The following SLC35E2B variants were observed in gnomAD, a reference collection of about 807,000 sequenced individuals.
The protein encoded by SLC35E2B is solute carrier family 35, member E2B.
In SLC35E2B, 18 loss-of-function variants were observed where a neutral mutation model predicts 32.4. The observed-to-expected ratio is 0.56, with a 90% CI of 0.38 to 0.82. The LOEUF is 0.82. SLC35E2B is among the 40% of genes least tolerant of loss of function. SLC35E2B has a pLI of 0.00. For missense variants in SLC35E2B, 263 were observed against 469.5 expected, an observed-to-expected ratio of 0.56 and a Z score of 4.06; for synonymous variants, 132 against 209.1, an observed-to-expected ratio of 0.63 and a Z score of 3.18.
intron 2 of SLC35E2B, among the ~76,000 whole-genome samples, chr1:1,679,479 CA>C (rs970098423): frequency 2.6e-5 from 4 of 151,898 alleles, no homozygotes; most frequent in Non-Finnish European, 5.9e-5. Flanking sequence ...TTAGTGGAAA[CA>C]AAAAAACAGA....
intron 2 of SLC35E2B, among the ~76,000 whole-genome samples, chr1:1,687,303 G>A (rs1242538176): frequency 2.6e-5 from 4 of 151,896 alleles, no homozygotes; most frequent in Admixed American, 1.3e-4. Context: ...GGGGCTGGGC[G>A]CAATGGCTCA....
In SLC35E2B at chr1:1,683,787, T is replaced by C. The variant is rs142889309; in HGVS notation, c.-147-6941A>G. On this transcript the variant is annotated intron_variant, in intron 2 of 9. Transcript: ENST00000617444. ...GATCAGCATAAGCTCCGGGGTGATC[T>C]GAACCACTCCTGTCACTCAGGAAAT... Among the ~76,000 whole-genome samples, 951 of 152,188 alleles carry C rather than the reference T, an allele frequency of 6.2e-3. 11 individuals carry two copies. The highest frequency in any genetic ancestry group is 0.022 in the African/African-American group (910 of 41,514).
Position 1,684,789 on chromosome 1 carries a change from C to CAAAAAAA in SLC35E2B, c.-148+6180_-148+6186dup, listed in dbSNP as rs1175219653. Among the ~76,000 whole-genome samples the CAAAAAAA allele has an allele frequency of 4.6e-4, 11 of 23,728 alleles. 1 individual carries two copies. The highest frequency in any genetic ancestry group is 1.4e-3 in the East Asian group (1 of 702). The allele number at this position is 23,728 out of a possible 152,430, so 15.6% of individuals were successfully genotyped here. A position where few individuals can be genotyped will look rare whatever the true frequency, so the allele number is the denominator to read the frequency against. On this transcript the variant is annotated intron_variant, in intron 2 of 9. Transcript: ENST00000617444. Reference sequence around the variant, plus strand: ...TGGGCAACAGAGCGAGACTCCATCTCAAAAAAAAAAAAAAAAAAAAAAAAA... The same window carrying CAAAAAAA: ...TGGGCAACAGAGCGAGACTCCATCTCAAAAAAAAAAAAAAAAAAAAAAAAAAAAAAAA...
chr1:1,667,372 T>G (rs1409828419), intron 9 of SLC35E2B, among the ~76,000 whole-genome samples: 1 of 152,084 alleles, frequency 6.6e-6, no homozygotes, highest in Admixed American at 6.6e-5. Context: ...GAGACTGCGA[T>G]ACTGAACTCC....
chr1:1,664,373 C>G lies in SLC35E2B; in HGVS notation c.*1409G>C. ...CCAAATGGAAAGCCAGTGAAGTGACCATGGGTGCCAAAGGCCTAAAGAGCA... is the reference window on the plus strand; with the variant it reads ...CCAAATGGAAAGCCAGTGAAGTGACGATGGGTGCCAAAGGCCTAAAGAGCA... On this transcript the variant is annotated 3_prime_UTR_variant, in exon 10 of 10. Coordinates refer to ENST00000617444, the MANE Select transcript of SLC35E2B (RefSeq NM_001290264.2). 4 of 947,912 alleles carry G rather than the reference C, an allele frequency of 4.2e-6. No homozygotes were observed. The highest frequency in any genetic ancestry group is 5.0e-6 in the Non-Finnish European group (4 of 796,962). The allele number at this position is 947,912 out of a possible 1,614,324, so 58.7% of individuals were successfully genotyped here.
rs1198206561 is a variant in SLC35E2B, at chr1:1,692,470, G to C, written c.-587C>G. The C allele has an allele frequency of 4.1e-6, 4 of 986,262 alleles. No homozygotes were observed. The African/African-American group carries it at 7.1e-5, about 17-fold the overall frequency. 61.1% of individuals were successfully genotyped at this position (986,262 alleles called of 1,614,324 possible). On this transcript the variant is annotated 5_prime_UTR_variant, in exon 1 of 10. Coordinates refer to ENST00000617444, the MANE Select transcript of SLC35E2B (RefSeq NM_001290264.2). ...CCACCGAGAGCCTGATGCAGTCTCCGCCGCAGGCATAGCGCTAGGCCCCGG... is the reference window on the plus strand; with the variant it reads ...CCACCGAGAGCCTGATGCAGTCTCCCCCGCAGGCATAGCGCTAGGCCCCGG...
chr1:1,686,612 A>C (rs1337509297), intron 2 of SLC35E2B, among the ~76,000 whole-genome samples: 1 of 150,692 alleles, frequency 6.6e-6, no homozygotes, highest in African/African-American at 2.5e-5. Context: ...GTAAAAATAC[A>C]AAAGTTAGCT....
chr1:1,675,075 G>A (rs983097185), intron 5 of SLC35E2B, among the ~76,000 whole-genome samples: 4 of 151,648 alleles, frequency 2.6e-5, no homozygotes, highest in African/African-American at 7.3e-5. Context: ...TGGCACAGGA[G>A]GGCCCACGGA....
At chr1:1,689,986 CAAAAA>C (rs763440072) in intron 2 of SLC35E2B, among the ~76,000 whole-genome samples, 1 of 84,670 alleles carries the variant, frequency 1.2e-5, no homozygotes, top group African/African-American at 4.5e-5. Context: ...GACCCTGTCT[CAAAAA>C]AAAAAAAAAA....
At chr1:1,690,140 C>A (rs1389507713) in intron 2 of SLC35E2B, among the ~76,000 whole-genome samples, 1 of 150,200 alleles carries the variant, frequency 6.7e-6, no homozygotes, top group East Asian at 2.0e-4. Flanking sequence ...AGTTGGCCGG[C>A]ATGGTGGCAC....
chr1:1,684,134 C>T (rs1643924659), intron 2 of SLC35E2B, among the ~76,000 whole-genome samples: 1 of 152,132 alleles, frequency 6.6e-6, no homozygotes, highest in Non-Finnish European at 1.5e-5. Flanking sequence ...ACGCTTGCCC[C>T]AGTGCACTGT....
chr1:1,685,413 A>AG (rs1341360088), intron 2 of SLC35E2B, among the ~76,000 whole-genome samples: 11 of 94,076 alleles, frequency 1.2e-4, no homozygotes, highest in African/African-American at 1.3e-4. Context: ...ACGTTTTCTC[A>AG]GAAAAAAAAA....
At chr1:1,690,439 CAAA>C (rs756294207) in intron 2 of SLC35E2B, among the ~76,000 whole-genome samples, 1 of 136,216 alleles carries the variant, frequency 7.3e-6, no homozygotes, top group Non-Finnish European at 1.6e-5. Context: ...GAAAAACAGG[CAAA>C]AAAAAAAAAA....
intron 2 of SLC35E2B, among the ~76,000 whole-genome samples, chr1:1,679,365 C>T (rs1057393761): frequency 2.0e-5 from 3 of 152,136 alleles, no homozygotes; most frequent in African/African-American, 4.8e-5. Context: ...AAACTGCTCC[C>T]CGCAATGAGG....
chr1:1,678,633 A>G (rs1484369121), intron 2 of SLC35E2B, among the ~76,000 whole-genome samples: 5 of 151,880 alleles, frequency 3.3e-5, no homozygotes, highest in Non-Finnish European at 7.4e-5. Context: ...CGACCCCTCC[A>G]CCAGTTCCCA....
rs1643474424 is a variant in SLC35E2B at position 1,663,955 on chromosome 1, C to T, written c.*1827G>A. The T allele has an allele frequency of 4.6e-6, 2 of 437,668 alleles. No homozygotes were observed. Among genetic ancestry groups the T allele is most frequent in the Admixed American group, 6.7e-5 (1 of 14,830 alleles). 27.1% of individuals were successfully genotyped at this position (437,668 alleles called of 1,614,324 possible). A position where few individuals can be genotyped will look rare whatever the true frequency, so the allele number is the denominator to read the frequency against. On this transcript the variant is annotated 3_prime_UTR_variant, in exon 10 of 10. Coordinates refer to ENST00000617444, the MANE Select transcript of SLC35E2B (RefSeq NM_001290264.2). ...CCTATATTCTCGACACTACAGGAGG[C>T]TGAGTGGGAAGGATTGCTTGAGCCG...
chr1:1,674,757 G>A lies in SLC35E2B; in HGVS notation c.586+706C>T, dbSNP rs202214310. 5.7e-4 allele frequency among the ~76,000 whole-genome samples: 87 copies of A among 151,792 alleles called. 3 individuals carry two copies. In the East Asian group the frequency reaches 0.01, roughly 18 times the overall value. ...AAGCCCAACCCCATCCTGGACCCTC[G>A]GCCTCCTCCCGTCCCCAAAGGCAGA... On this transcript the variant is annotated intron_variant, in intron 5 of 9. Coordinates refer to ENST00000617444, the MANE Select transcript of SLC35E2B (RefSeq NM_001290264.2).
At chr1:1,679,456 T>G (rs960043372) in intron 2 of SLC35E2B, among the ~76,000 whole-genome samples, 2 of 152,118 alleles carry the variant, frequency 1.3e-5, no homozygotes, top group African/African-American at 4.8e-5. Context: ...CCCACCCTAA[T>G]GTTTGCTCAC....
At chr1:1,678,086 C>T (rs1259908632) in intron 2 of SLC35E2B, among the ~76,000 whole-genome samples, 5 of 152,076 alleles carry the variant, frequency 3.3e-5, no homozygotes, top group Non-Finnish European at 7.4e-5. Flanking sequence ...CCTGTCTCAC[C>T]AAGGCGCTCT....
Sources: allele counts gnomAD v4.1 joint callset (sites outside exome capture counted in the v4.1 genomes callset), GRCh38; gene constraint gnomAD v4.1.1; transcripts MANE v1.5; gene names NCBI Gene and HGNC (gene_info 2026-07-23, HGNC 2026-07-21).